The following TENM2 variants were observed in gnomAD, a reference collection of about 807,000 sequenced individuals.
TENM2 encodes the protein teneurin-2.
TENM2 carries 52 observed loss-of-function variants against 245.2 expected under a neutral mutation model. That is an observed-to-expected ratio of 0.21 (90% confidence interval 0.17 to 0.27). The LOEUF is 0.27. TENM2 is among the 10% of genes least tolerant of loss of function. The pLI, the probability that TENM2 is intolerant of heterozygous loss-of-function variation, is 1.00. For missense variants in TENM2, 3,046 were observed against 3,666.8 expected, an observed-to-expected ratio of 0.83 and a Z score of 4.37; for synonymous variants, 1,363 against 1,438.9, an observed-to-expected ratio of 0.95 and a Z score of 1.19.
At chr5:167,872,036 G>A (rs1282965098) in intron 2 of TENM2, among the ~76,000 whole-genome samples, 4 of 152,030 alleles carry the variant, frequency 2.6e-5, no homozygotes, top group Admixed American at 2.6e-4. Flanking sequence ...GTTCATGCCT[G>A]TAATTCCAGC....
At chr5:167,058,797 A>G in the TENM2 span, among the ~76,000 whole-genome samples, 60 of 152,300 alleles carry the variant, frequency 3.9e-4, no homozygotes, top group Non-Finnish European at 7.4e-4. Context: ...GAAAAAGAAA[A>G]GGAAAAGAGA....
chr5:168,195,413 G>GGGGAAT, intron 15 of TENM2, 118 bp downstream of exon 17: 1 of 1,208,274 alleles, frequency 8.3e-7, no homozygotes, highest in South Asian at 1.5e-5. Flanking sequence ...TGTCCACCAG[G>GGGGAAT]CCTGTCCCCT....
intron 2 of TENM2, among the ~76,000 whole-genome samples, chr5:167,587,281 G>A (rs576687031): frequency 6.6e-6 from 1 of 152,180 alleles, no homozygotes; most frequent in South Asian, 2.1e-4. Flanking sequence ...GGAGTATTTC[G>A]ATGATTCTTG....
intron 12 of TENM2, among the ~76,000 whole-genome samples, chr5:168,132,708 T>C (rs773346082): frequency 4.6e-5 from 7 of 152,208 alleles, no homozygotes; most frequent in South Asian, 2.1e-4. Context: ...GATTCCAGGC[T>C]CAAAGAAAGG....
the TENM2 span, among the ~76,000 whole-genome samples, chr5:167,013,139 T>G: frequency 5.9e-5 from 9 of 152,242 alleles, no homozygotes; most frequent in South Asian, 1.2e-3. Context: ...AACTATGTCT[T>G]TAAAATATTA....
At chr5:167,079,960 G>T in the TENM2 span, among the ~76,000 whole-genome samples, 1 of 152,270 alleles carries the variant, frequency 6.6e-6, no homozygotes, top group South Asian at 2.1e-4. Flanking sequence ...ATGTCTTAAA[G>T]TATGTTCCTG....
At chr5:167,289,042 TC>T (rs747496988) in intron 1 of TENM2, among the ~76,000 whole-genome samples, 2 of 152,158 alleles carry the variant, frequency 1.3e-5, no homozygotes, top group Non-Finnish European at 2.9e-5. Flanking sequence ...CTGATCTAAT[TC>T]CTGTTCTCAT....
intron 2 of TENM2, among the ~76,000 whole-genome samples, chr5:167,418,130 G>A (rs1561938430): frequency 6.6e-6 from 1 of 152,096 alleles, no homozygotes; most frequent in Non-Finnish European, 1.5e-5. Context: ...AGGAGTTCGA[G>A]AACAGCCTGA....
Position 167,554,558 on chromosome 5 carries a change from C to A in TENM2, c.502+179085C>A, listed in dbSNP as rs75055792. Among the ~76,000 whole-genome samples the A allele has an allele frequency of 9.2e-3, 1,405 of 152,286 alleles. 9 individuals carry two copies. Among genetic ancestry groups the A allele is most frequent in the African/African-American group, 0.017 (709 of 41,560 alleles). On this transcript the variant is annotated intron_variant, in intron 2 of 28. Transcript: ENST00000518659. ...ACTTAGCTGTGGAGAAAAGACACTT[C>A]CAATGGCCACCATTCTAAGCGACTT...
intron 2 of TENM2, among the ~76,000 whole-genome samples, chr5:167,555,576 G>T (rs1773215201): frequency 1.3e-5 from 2 of 152,092 alleles, no homozygotes; most frequent in South Asian, 4.1e-4. Flanking sequence ...TTCATGGAGG[G>T]ATTGCTGGTA....
chr5:167,129,394 C>T, the TENM2 span, among the ~76,000 whole-genome samples: 1 of 152,100 alleles, frequency 6.6e-6, no homozygotes, highest in East Asian at 1.9e-4. Context: ...AATTAGAGAG[C>T]GGCCACCATA....
the TENM2 span, among the ~76,000 whole-genome samples, chr5:167,111,410 A>G: frequency 2.2e-4 from 33 of 152,288 alleles, no homozygotes; most frequent in South Asian, 6.2e-4. Flanking sequence ...ATTATAATAC[A>G]AAGAGTAAAA....
At chr5:167,254,368 G>C in the TENM2 span, among the ~76,000 whole-genome samples, 1 of 152,136 alleles carries the variant, frequency 6.6e-6, no homozygotes, top group Non-Finnish European at 1.5e-5. Flanking sequence ...CCTAGAGAAA[G>C]CACTCTCCTC....
At chr5:167,875,816 G>C (rs1037034305) in intron 2 of TENM2, among the ~76,000 whole-genome samples, 170 bp from the exon 5 acceptor site, 1 of 151,402 alleles carries the variant, frequency 6.6e-6, no homozygotes, top group Non-Finnish European at 1.5e-5. Context: ...TATGAATTTA[G>C]ACTTTTGGAG....
At chr5:167,975,325 T>G (rs1309811587) in intron 4 of TENM2, among the ~76,000 whole-genome samples, 4 of 152,250 alleles carry the variant, frequency 2.6e-5, no homozygotes, top group African/African-American at 9.6e-5. Context: ...GAAGCCCAGC[T>G]TTCAGAACCT....
At chr5:167,262,406 GC>G in the TENM2 span, among the ~76,000 whole-genome samples, 17,800 of 150,376 alleles carry the variant, frequency 0.12, 1,238 homozygotes, top group East Asian at 0.18. Flanking sequence ...TTTTGGGGGG[GC>G]GGTGCACAAT....
chr5:167,754,375 T>C (rs1762152045), intron 2 of TENM2, among the ~76,000 whole-genome samples: 1 of 152,232 alleles, frequency 6.6e-6, no homozygotes, highest in Non-Finnish European at 1.5e-5. Context: ...ACAGGTGCTT[T>C]AAAATAATTT....
intron 2 of TENM2, among the ~76,000 whole-genome samples, chr5:167,813,434 A>G (rs1766796207): frequency 6.6e-6 from 1 of 151,942 alleles, no homozygotes; most frequent in Non-Finnish European, 1.5e-5. Flanking sequence ...AACTAAGGTC[A>G]GCACTGGAAA....
At chr5:168,014,838 C>G (rs1347458979) in intron 5 of TENM2, among the ~76,000 whole-genome samples, 1 of 152,114 alleles carries the variant, frequency 6.6e-6, no homozygotes, top group Non-Finnish European at 1.5e-5. Flanking sequence ...TCTGACAGCC[C>G]CAGAGATGAA....
Sources: gnomAD v4.1 joint callset for allele counts (sites outside exome capture counted in the v4.1 genomes callset) on GRCh38, gnomAD v4.1.1 for gene constraint, MANE v1.5 for transcripts, NCBI Gene and HGNC (gene_info 2026-07-23, HGNC 2026-07-21) for gene names.